Variants in LRMDA observed in about 807,000 individuals in gnomAD.
LRMDA encodes the protein leucine-rich melanocyte differentiation-associated protein.
In LRMDA, 18 loss-of-function variants were observed where a neutral mutation model predicts 29.8. The ratio of observed to expected loss-of-function variants is 0.60; its 90% CI spans 0.42 to 0.90. The LOEUF is 0.90. Ranked by LOEUF, LRMDA falls within the 40% of genes least tolerant of loss-of-function variation. The pLI is 0.00. For synonymous variants in LRMDA, 125 were observed against 109.4 expected (o/e 1.14, Z -0.89); for missense variants, 273 against 273.9 (o/e 1.00, Z 0.02).
chr10:76,058,400 C>A (rs558329234), intron 4 of LRMDA, among the ~76,000 whole-genome samples: 1 of 151,706 alleles, frequency 6.6e-6, no homozygotes, highest in Non-Finnish European at 1.5e-5. Flanking sequence ...GGCTAACCCA[C>A]GTGTGTGTGT....
At chr10:76,071,979 C>A (rs1848883004) in intron 5 of LRMDA, among the ~76,000 whole-genome samples, 1 of 152,136 alleles carries the variant, frequency 6.6e-6, no homozygotes, top group Admixed American at 6.5e-5. Context: ...AATTCATAAC[C>A]TTTTCCACAA....
At chr10:75,980,412 G>C (rs1403062116) in intron 2 of LRMDA, among the ~76,000 whole-genome samples, 1 of 152,144 alleles carries the variant, frequency 6.6e-6, no homozygotes, top group South Asian at 2.1e-4. Context: ...GCCTACCAGG[G>C]GCCCTTCGGA....
chr10:76,315,442 G>C (rs555523235), intron 5 of LRMDA, among the ~76,000 whole-genome samples: 19 of 152,302 alleles, frequency 1.2e-4, no homozygotes, highest in Admixed American at 1.2e-3. Context: ...CCTGCTCCCG[G>C]GCCTCTCCCT....
At chr10:76,144,488 CTGTT>C (rs1180733093) in intron 5 of LRMDA, among the ~76,000 whole-genome samples, 4 of 152,044 alleles carry the variant, frequency 2.6e-5, no homozygotes, top group Admixed American at 6.6e-5. Flanking sequence ...ATTTGGCTCT[CTGTT>C]TGTCTGTTAT....
At chr10:76,489,298 G>A (rs376321469) in intron 6 of LRMDA, among the ~76,000 whole-genome samples, 2 of 151,712 alleles carry the variant, frequency 1.3e-5, no homozygotes, top group East Asian at 1.9e-4. Context: ...CAATTTATTG[G>A]CATATAATTG....
chr10:75,761,802 T>G (rs948123786), intron 2 of LRMDA, among the ~76,000 whole-genome samples: 23 of 139,602 alleles, frequency 1.6e-4, no homozygotes, highest in African/African-American at 7.1e-4. Context: ...TTGTTTTTTT[T>G]TTTTTGTTTT....
intron 2 of LRMDA, among the ~76,000 whole-genome samples, chr10:75,556,725 G>T (rs1840218366): frequency 6.7e-6 from 1 of 150,020 alleles, no homozygotes; most frequent in Admixed American, 6.7e-5. Flanking sequence ...AAGGGGTGGG[G>T]TAACAGACCC....
intron 2 of LRMDA, among the ~76,000 whole-genome samples, chr10:75,910,061 G>T (rs1189873165): frequency 6.6e-6 from 1 of 152,176 alleles, no homozygotes; most frequent in Admixed American, 6.5e-5. Flanking sequence ...TGTTTATAGA[G>T]AAATGTATCA....
At chr10:76,345,965 C>T (rs917904882) in intron 6 of LRMDA, among the ~76,000 whole-genome samples, 1 of 152,106 alleles carries the variant, frequency 6.6e-6, no homozygotes, top group African/African-American at 2.4e-5. Context: ...ACTAATATAA[C>T]AGAAAGATCT....
At chr10:75,490,720 A>G (rs894424396) in intron 2 of LRMDA, among the ~76,000 whole-genome samples, 2 of 152,116 alleles carry the variant, frequency 1.3e-5, no homozygotes, top group Admixed American at 6.5e-5. Flanking sequence ...TGCTGATCCA[A>G]TGTTTTTCCA....
intron 5 of LRMDA, among the ~76,000 whole-genome samples, chr10:76,265,190 T>A (rs773528771): frequency 6.6e-6 from 1 of 152,226 alleles, no homozygotes; most frequent in Non-Finnish European, 1.5e-5. Context: ...TCCGTTTATG[T>A]CTTTCCTCCT....
chr10:76,000,086 T>C (rs1847535155), intron 2 of LRMDA, among the ~76,000 whole-genome samples: 1 of 152,234 alleles, frequency 6.6e-6, no homozygotes, highest in Non-Finnish European at 1.5e-5. Flanking sequence ...GAAAGAAATC[T>C]CTTCTCTTGA....
At chr10:76,115,747 C>A (rs367972012) in intron 5 of LRMDA, among the ~76,000 whole-genome samples, 45 of 152,190 alleles carry the variant, frequency 3.0e-4, no homozygotes, top group African/African-American at 1.1e-3. Flanking sequence ...GATTAATGTC[C>A]CCAAGGGCTA....
chr10:76,228,385 A>T (rs139585668), intron 5 of LRMDA, among the ~76,000 whole-genome samples: 1 of 152,150 alleles, frequency 6.6e-6, no homozygotes, highest in African/African-American at 2.4e-5. Context: ...AACAAAGACC[A>T]TGGCATTGTA....
rs77031941 is a variant in LRMDA, at chr10:76,543,598, C to T, written c.602-13611C>T. The stretch of plus-strand genomic sequence containing the variant: ...TCCCCTCAACTCACACCACTTCATT[C>T]GCAACTGCCCAACCCTGCACAGAGA... On this transcript the variant is annotated intron_variant, in intron 6 of 6. Coordinates refer to ENST00000611255, the MANE Select transcript of LRMDA (RefSeq NM_001305581.2). Among the ~76,000 whole-genome samples the T allele has an allele frequency of 5.3e-3, 804 of 152,112 alleles. 3 individuals are homozygous for T. Among genetic ancestry groups the T allele is most frequent in the African/African-American group, 0.018 (728 of 41,498 alleles).
rs987926428 is a variant in LRMDA at position 76,537,202 on chromosome 10, A to C, written c.602-20007A>C. ...AAAATGTTCTAGGCTTACTGTGTAC[A>C]TTCCCTGCCCCACAACATGAATCAG... On this transcript the variant is annotated intron_variant, in intron 6 of 6. Transcript: ENST00000611255. Among the ~76,000 whole-genome samples the C allele has an allele frequency of 2.6e-5, 4 of 152,320 alleles. No homozygotes were observed. In the East Asian group the frequency reaches 7.7e-4, roughly 29 times the overall value.
chr10:76,367,148 C>T (rs866275504), intron 6 of LRMDA, among the ~76,000 whole-genome samples: 4 of 152,064 alleles, frequency 2.6e-5, no homozygotes, highest in Non-Finnish European at 4.4e-5. Flanking sequence ...TGTTGGATTT[C>T]GCTAGCTAGT....
chr10:75,815,753 T>C (rs1213232971), intron 2 of LRMDA, among the ~76,000 whole-genome samples: 1 of 152,234 alleles, frequency 6.6e-6, no homozygotes, highest in Non-Finnish European at 1.5e-5. Flanking sequence ...TTGGGACTTG[T>C]TATTGCAGCC....
At chr10:76,528,043 T>C (rs1843196554) in intron 6 of LRMDA, among the ~76,000 whole-genome samples, 1 of 152,122 alleles carries the variant, frequency 6.6e-6, no homozygotes, top group Admixed American at 6.6e-5. Context: ...CTTATTAAAC[T>C]AGCAAAGATG....
Sources: gnomAD v4.1 joint callset for allele counts (sites outside exome capture counted in the v4.1 genomes callset) on GRCh38, gnomAD v4.1.1 for gene constraint, MANE v1.5 for transcripts, NCBI Gene and HGNC (gene_info 2026-07-23, HGNC 2026-07-21) for gene names.